PFKP: variants seen among roughly 807,000 people sequenced by gnomAD.
The protein encoded by PFKP is ATP-dependent 6-phosphofructokinase, platelet type.
PFKP carries 101 observed loss-of-function variants against 94.3 expected under a neutral mutation model. The ratio of observed to expected loss-of-function variants is 1.07; its 90% CI spans 0.91 to 1.26. The LOEUF is 1.26. PFKP is among the 50% of genes most tolerant of loss of function. The pLI is 0.00. For synonymous variants in PFKP, 573 were observed against 432.6 expected, an observed-to-expected ratio of 1.32 and a Z score of -4.03; for missense variants, 1,145 against 1,103.3, an observed-to-expected ratio of 1.04 and a Z score of -0.53.
At chr10:3,136,283 T>G (rs1010473218) in intron 21 of PFKP, among the ~76,000 whole-genome samples, 167 bp from the exon 22 acceptor site, 2 of 152,174 alleles carry the variant, frequency 1.3e-5, no homozygotes, top group African/African-American at 4.8e-5. Flanking sequence ...GGGAATAATT[T>G]TAAACAATGG....
chr10:3,129,097 G>C (rs1356602733), intron 16 of PFKP: 2 of 152,314 alleles, frequency 1.3e-5, no homozygotes, highest in East Asian at 3.8e-4. Flanking sequence ...GGCCCAGGAA[G>C]AGGGCGTTGC....
chr10:3,075,749 A>G (rs1303703567), intron 1 of PFKP, among the ~76,000 whole-genome samples: 5 of 150,722 alleles, frequency 3.3e-5, no homozygotes, highest in Admixed American at 2.7e-4. Context: ...CAAAAAATAC[A>G]AAACAATTAG....
intron 18 of PFKP, among the ~76,000 whole-genome samples, chr10:3,132,885 C>G (rs1382299030): frequency 6.8e-6 from 1 of 148,124 alleles, no homozygotes; most frequent in Non-Finnish European, 1.5e-5. Flanking sequence ...ATGCAGGGCA[C>G]AGGGATGATT....
At chr10:3,086,766 C>T (rs996097105) in intron 2 of PFKP, among the ~76,000 whole-genome samples, 3 of 152,232 alleles carry the variant, frequency 2.0e-5, no homozygotes, top group Non-Finnish European at 2.9e-5. Flanking sequence ...ACTTTAATCT[C>T]TCTTGATGTA....
intron 1 of PFKP, among the ~76,000 whole-genome samples, chr10:3,077,264 T>TTC (rs1832680134): frequency 1.2e-4 from 8 of 64,830 alleles, no homozygotes; most frequent in Non-Finnish European, 2.0e-4. Context: ...TTTTTTTCTT[T>TTC]TTTTTTTTTT....
At chr10:3,090,991 T>G (rs1834002139) in intron 2 of PFKP, among the ~76,000 whole-genome samples, 1 of 152,148 alleles carries the variant, frequency 6.6e-6, no homozygotes, top group Admixed American at 6.5e-5. Flanking sequence ...GTAGTGCATG[T>G]GTGAAGAAAG....
chr10:3,097,120 G>T (rs1316408212), intron 2 of PFKP, among the ~76,000 whole-genome samples: 2 of 148,906 alleles, frequency 1.3e-5, no homozygotes, highest in Non-Finnish European at 3.0e-5. Context: ...TGGGGTGGTA[G>T]AGATCACTGA....
chr10:3,072,893 C>T (rs1832308464), intron 1 of PFKP, among the ~76,000 whole-genome samples: 3 of 151,924 alleles, frequency 2.0e-5, no homozygotes, highest in Admixed American at 6.6e-5. Context: ...TAAGAAAGTG[C>T]GGGTGAATAT....
intron 2 of PFKP, among the ~76,000 whole-genome samples, chr10:3,089,202 G>A (rs958045503): frequency 6.6e-5 from 10 of 152,070 alleles, no homozygotes; most frequent in African/African-American, 1.7e-4. Flanking sequence ...CCAAAGTGCC[G>A]GGATTACAAG....
intron 2 of PFKP, among the ~76,000 whole-genome samples, chr10:3,095,132 C>T (rs1834368497): frequency 7.1e-6 from 1 of 141,724 alleles, no homozygotes; most frequent in African/African-American, 2.5e-5. Flanking sequence ...ATGCAACAAG[C>T]ATTCTGAAAG....
In PFKP at chr10:3,100,849, C is replaced by A. The variant is rs1392428687; in HGVS notation, c.265-516C>A. The A allele has an allele frequency of 1.5e-4, 81 of 525,534 alleles. 2 individuals carry two copies. Among genetic ancestry groups the A allele is most frequent in the Non-Finnish European group, 2.3e-4 (72 of 307,192 alleles). The allele number at this position is 525,534 out of a possible 1,614,324, so 32.6% of individuals were successfully genotyped here. ...AGATATAGCTCTTTAAAAGGGGCAG[C>A]GAGTATGTGGTGCAAAAAAAAAAAA... On this transcript the variant is annotated intron_variant, in intron 3 of 21. Transcript: ENST00000381125.
At chr10:3,089,324 T>C (rs187267377) in intron 2 of PFKP, among the ~76,000 whole-genome samples, 3 of 152,352 alleles carry the variant, frequency 2.0e-5, no homozygotes, top group East Asian at 3.9e-4. Context: ...CGGTGTTGTG[T>C]TGTGGGCGTG....
chr10:3,098,672 C>CAAAAAAAAAAAAAAA (rs5782682), intron 2 of PFKP, among the ~76,000 whole-genome samples: 65 of 107,184 alleles, frequency 6.1e-4, no homozygotes, highest in African/African-American at 2.0e-3. Flanking sequence ...GACTCCGTCT[C>CAAAAAAAAAAAAAAA]AAAAAAAAAA....
intron 16 of PFKP, among the ~76,000 whole-genome samples, chr10:3,125,469 C>G (rs1837850813): frequency 6.6e-6 from 1 of 152,166 alleles, no homozygotes; most frequent in African/African-American, 2.4e-5. Context: ...ATATCCAGTC[C>G]TTGGGATCGT....
Position 3,129,983 on chromosome 10 carries a change from G to A in PFKP, c.1848G>A (p.Gln616=). ...FEEPFDIRDL[Q]SNVEHLTEKM... The stretch of plus-strand genomic sequence containing the variant: ...AGCCCTTCGACATCAGGGATCTGCA[G>A]GTATGTGACGGGGCTGGCCTCAGGG... Residue 616 remains glutamine (Q), a splice_region_variant and synonymous_variant, in exon 17 of 22, where the codon CAG becomes CAA. Transcript: ENST00000381125. 6.4e-7 allele frequency: 1 copy of A among 1,570,340 alleles called. No individual in the cohort carries two copies. Among genetic ancestry groups the A allele is most frequent in the Non-Finnish European group, 8.7e-7 (1 of 1,155,202 alleles).
intron 1 of PFKP, among the ~76,000 whole-genome samples, chr10:3,072,681 C>A (rs1245453606): frequency 6.6e-6 from 1 of 151,934 alleles, no homozygotes; most frequent in Non-Finnish European, 1.5e-5. Flanking sequence ...AGCATGTTTT[C>A]CCCCTTGGTT....
chr10:3,111,708 G>A (rs1027667476), intron 10 of PFKP, among the ~76,000 whole-genome samples: 11 of 152,040 alleles, frequency 7.2e-5, no homozygotes, highest in Non-Finnish European at 1.6e-4. Flanking sequence ...CGTTGCCCAG[G>A]GCTGCCTGGC....
At position 3,135,711 on chromosome 10, in the gene PFKP, TAATCTTTTTTAA is replaced by T. The variant is rs1341138216; in HGVS notation, c.2123-16_2123-5del. 2.1e-6 allele frequency: 3 copies of T among 1,427,632 alleles called. No homozygotes were observed. Among genetic ancestry groups the T allele is most frequent in the Non-Finnish European group, 3.0e-6 (3 of 1,013,046 alleles). The allele number at this position is 1,427,632 out of a possible 1,614,324, so 88.4% of individuals were successfully genotyped here. ...CCTGCCCATGTTGACAGGGTGTTAT[TAATCTTTTTTAA>T]AATCTTTTATAGGAAAAAAATTTAC... On this transcript the variant is annotated splice_polypyrimidine_tract_variant and intron_variant, in intron 20 of 21. Coordinates refer to ENST00000381125, the MANE Select transcript of PFKP (RefSeq NM_002627.5).
At chr10:3,128,998 A>AT (rs1838260503) in intron 16 of PFKP, 1 of 152,294 alleles carries the variant, frequency 6.6e-6, no homozygotes, top group African/African-American at 2.4e-5. Flanking sequence ...AGGGTTTTGA[A>AT]TAAACCAAGA....
Sources: allele counts gnomAD v4.1 joint callset (sites outside exome capture counted in the v4.1 genomes callset), GRCh38; gene constraint gnomAD v4.1.1; transcripts MANE v1.5; gene names NCBI Gene and HGNC (gene_info 2026-07-23, HGNC 2026-07-21).